The following BPIFC variants were observed in gnomAD, a reference collection of about 807,000 sequenced individuals.
BPIFC encodes BPI fold-containing family C protein.
A neutral mutation model predicts 57.6 loss-of-function variants in BPIFC; 60 were observed. The observed-to-expected ratio is 1.04, with a 90% CI of 0.85 to 1.29. BPIFC has a LOEUF of 1.29. Among genes scored for constraint, BPIFC ranks in the 50% most tolerant of loss-of-function variants. The pLI is 0.00. For synonymous variants in BPIFC, 243 were observed against 224.5 expected (o/e 1.08, Z -0.74); for missense variants, 581 against 600.5 (o/e 0.97, Z 0.34).
At chr22:32,455,051 A>ATTTT (rs58029060) in intron 3 of BPIFC, among the ~76,000 whole-genome samples, 1 of 130,738 alleles carries the variant, frequency 7.6e-6, no homozygotes, top group African/African-American at 2.9e-5. Flanking sequence ...TTTCATCTCC[A>ATTTT]TTTTTTTTTT....
At chr22:32,443,327 C>G (rs1271046926) in intron 7 of BPIFC, among the ~76,000 whole-genome samples, 2 of 152,186 alleles carry the variant, frequency 1.3e-5, no homozygotes, top group African/African-American at 4.8e-5. Flanking sequence ...CTATGCCCGG[C>G]TAATTTTTTG....
chr22:32,426,185 A>G (rs1213606971), intron 13 of BPIFC, among the ~76,000 whole-genome samples: 1 of 152,120 alleles, frequency 6.6e-6, no homozygotes, highest in African/African-American at 2.4e-5. Flanking sequence ...TTCTGGGGAG[A>G]GTAATTTGGA....
intron 8 of BPIFC, among the ~76,000 whole-genome samples, chr22:32,439,463 A>C (rs1045951078): frequency 6.6e-6 from 1 of 152,124 alleles, no homozygotes; most frequent in Non-Finnish European, 1.5e-5. Context: ...CAATATGAAG[A>C]CCTACTCCCT....
intron 1 of BPIFC, 46 bp downstream of exon 1, chr22:32,464,328 G>A: frequency 1.1e-6 from 1 of 928,390 alleles, no homozygotes; most frequent in East Asian, 1.2e-4. Flanking sequence ...TCTCCAGTTT[G>A]GAGATCATGG....
chr22:32,425,603 T>C (rs1386763008), intron 13 of BPIFC, among the ~76,000 whole-genome samples: 1 of 152,154 alleles, frequency 6.6e-6, no homozygotes, highest in African/African-American at 2.4e-5. Context: ...GAAATAGTCT[T>C]TTTTTGGTAC....
intron 13 of BPIFC, among the ~76,000 whole-genome samples, chr22:32,421,023 G>C (rs1019193446): frequency 6.6e-6 from 1 of 152,172 alleles, no homozygotes; most frequent in African/African-American, 2.4e-5. Context: ...TAATGTCCTT[G>C]ATGTTCTTTT....
Position 32,446,005 on chromosome 22 carries a change from A to G in BPIFC, c.375-9T>C. ...CCCCTCCTGTGTCTTGGCTGTTTAA[A>G]GAAGTGCAAGGTTATCCAAGCCTGA... On this transcript the variant is annotated splice_polypyrimidine_tract_variant and intron_variant, in intron 5 of 16. Coordinates refer to ENST00000300399, the MANE Select transcript of BPIFC (RefSeq NM_174932.3). The G allele has an allele frequency of 6.2e-7, 1 of 1,613,780 alleles. No individual in the cohort carries two copies. The highest frequency in any genetic ancestry group is 8.5e-7 in the Non-Finnish European group (1 of 1,179,800).
chr22:32,414,488 C>T (rs541669745), intron 16 of BPIFC, 63 bp from the exon 17 acceptor site: 152 of 1,563,308 alleles, frequency 9.7e-5, no homozygotes, highest in Middle Eastern at 1.7e-4. Flanking sequence ...TTGTCTGAGG[C>T]GTGAGGAAGA....
In BPIFC at chr22:32,431,118, C is replaced by CTT. The variant is rs531325756; in HGVS notation, c.1217+227_1217+228dup. On this transcript the variant is annotated intron_variant, in intron 13 of 16. Transcript: ENST00000300399. ...CATGTTCACACAATGGTTAACGTCC[C>CTT]TTTTTTTTTTTTTTTGAGACAGAGT... Among the ~76,000 whole-genome samples, 900 of 138,770 alleles carry CTT rather than the reference C, an allele frequency of 6.5e-3. 4 individuals are homozygous for CTT. Among genetic ancestry groups the CTT allele is most frequent in the African/African-American group, 0.019 (731 of 37,972 alleles). 91.0% of individuals were successfully genotyped at this position (138,770 alleles called of 152,430 possible).
chr22:32,422,363 G>A (rs1247674796), intron 13 of BPIFC, among the ~76,000 whole-genome samples: 1 of 152,142 alleles, frequency 6.6e-6, no homozygotes, highest in Non-Finnish European at 1.5e-5. Context: ...GTATACTCAG[G>A]TGCTTCTTCA....
chr22:32,423,732 T>G (rs1451320643), intron 13 of BPIFC, among the ~76,000 whole-genome samples: 2 of 151,888 alleles, frequency 1.3e-5, no homozygotes, highest in African/African-American at 4.8e-5. Flanking sequence ...TACATCTGAT[T>G]GCCTTGAGCT....
intron 8 of BPIFC, among the ~76,000 whole-genome samples, chr22:32,440,738 C>A (rs771873974): frequency 1.2e-4 from 19 of 152,176 alleles, no homozygotes; most frequent in Non-Finnish European, 2.6e-4. Flanking sequence ...TACATTTGAT[C>A]TGTTGCACAA....
chr22:32,455,738 T>A (rs1268976482), intron 3 of BPIFC, among the ~76,000 whole-genome samples: 2 of 152,198 alleles, frequency 1.3e-5, no homozygotes, highest in African/African-American at 4.8e-5. Flanking sequence ...CTGTGAGACT[T>A]GGGAAATGTC....
At chr22:32,440,030 A>C (rs1239394271) in intron 8 of BPIFC, among the ~76,000 whole-genome samples, 3 of 152,192 alleles carry the variant, frequency 2.0e-5, no homozygotes, top group African/African-American at 4.8e-5. Flanking sequence ...AAGCTAGAAC[A>C]TGGTGATCCT....
At chr22:32,461,244 CATG>C (rs1420289415) in intron 2 of BPIFC, among the ~76,000 whole-genome samples, 5 of 152,150 alleles carry the variant, frequency 3.3e-5, no homozygotes, top group Admixed American at 1.3e-4. Flanking sequence ...ATGAATCCAG[CATG>C]ATATTTCAGC....
In BPIFC at chr22:32,459,258, G is replaced by A. The variant is rs1935108518; in HGVS notation, c.1-1872C>T. ...GAGAGGAAGAAGTAAGCCAGGTGTG[G>A]TGGCTCATACCTATAATACCAGCAC... is the stretch of plus-strand genomic sequence containing the variant. On this transcript the variant is annotated intron_variant, in intron 2 of 16. Coordinates refer to ENST00000300399, the MANE Select transcript of BPIFC (RefSeq NM_174932.3). 2.6e-5 allele frequency among the ~76,000 whole-genome samples: 4 copies of A among 152,200 alleles called. No homozygotes were observed. The South Asian group carries it at 8.3e-4, about 31-fold the overall frequency.
At chr22:32,420,125 G>A (rs899650638) in intron 13 of BPIFC, among the ~76,000 whole-genome samples, 1 of 151,992 alleles carries the variant, frequency 6.6e-6, no homozygotes, top group East Asian at 1.9e-4. Flanking sequence ...AGACCATCCC[G>A]GCTAACACGG....
chr22:32,446,718 C>A, intron 5 of BPIFC: 1 of 983,190 alleles, frequency 1.0e-6, no homozygotes, highest in Non-Finnish European at 1.2e-6. Flanking sequence ...TTGCAACTGG[C>A]CTGTAAAAGT....
intron 2 of BPIFC, among the ~76,000 whole-genome samples, chr22:32,458,072 C>A (rs547253277): frequency 6.6e-6 from 1 of 152,260 alleles, no homozygotes; most frequent in South Asian, 2.1e-4. Flanking sequence ...TCCCCACCCC[C>A]ATTAAAGCCC....
Sources: gnomAD v4.1 joint callset for allele counts (sites outside exome capture counted in the v4.1 genomes callset) on GRCh38, gnomAD v4.1.1 for gene constraint, MANE v1.5 for transcripts, NCBI Gene and HGNC (gene_info 2026-07-23, HGNC 2026-07-21) for gene names.